Variants in EPHA6 observed in about 807,000 individuals in gnomAD.
The protein encoded by EPHA6 is ephrin type-A receptor 6.
A neutral mutation model predicts 112.0 loss-of-function variants in EPHA6; 50 were observed. The ratio of observed to expected loss-of-function variants is 0.45; its 90% CI spans 0.36 to 0.56. The LOEUF is 0.56. Among genes scored for constraint, EPHA6 ranks in the 20% least tolerant of loss-of-function variants. The pLI is 0.00. For synonymous variants in EPHA6, 529 were observed against 490.7 expected, an observed-to-expected ratio of 1.08 and a Z score of -1.03; for missense variants, 1,280 against 1,417.4, an observed-to-expected ratio of 0.90 and a Z score of 1.56.
intron 13 of EPHA6, among the ~76,000 whole-genome samples, chr3:97,621,688 GA>G (rs1166194995): frequency 6.6e-6 from 1 of 151,794 alleles, no homozygotes; most frequent in Non-Finnish European, 1.5e-5. Flanking sequence ...CAAGGAAGGA[GA>G]GAAAAACATG....
intron 10 of EPHA6, among the ~76,000 whole-genome samples, chr3:97,501,487 G>A (rs1424472719): frequency 6.6e-6 from 1 of 151,714 alleles, no homozygotes; most frequent in African/African-American, 2.4e-5. Flanking sequence ...AATTAAGTTA[G>A]AAATAAATAA....
intron 2 of EPHA6, among the ~76,000 whole-genome samples, chr3:96,895,017 G>A (rs2038187791): frequency 6.6e-6 from 1 of 152,270 alleles, no homozygotes; most frequent in Admixed American, 6.5e-5. Context: ...ATGAATAGAA[G>A]AAACAAACCA....
intron 2 of EPHA6, among the ~76,000 whole-genome samples, chr3:96,887,124 A>T (rs186657962): frequency 2.2e-3 from 342 of 152,072 alleles, no homozygotes; most frequent in Admixed American, 4.3e-3. Context: ...CTTGCTGCTG[A>T]ACTAGTGTGA....
chr3:97,286,619 T>C (rs1021694447), intron 5 of EPHA6, among the ~76,000 whole-genome samples: 4 of 152,088 alleles, frequency 2.6e-5, no homozygotes, highest in African/African-American at 9.7e-5. Context: ...ACCAATTCCA[T>C]AGTGTTTTGG....
At chr3:97,648,399 T>C (rs2094083454) in intron 14 of EPHA6, 4 of 1,532,008 alleles carry the variant, frequency 2.6e-6, no homozygotes, top group Admixed American at 2.1e-5. Context: ...GAGATAATTA[T>C]AAAAAATAAT....
intron 6 of EPHA6, chr3:97,439,609 C>G: frequency 9.9e-7 from 1 of 1,005,564 alleles, no homozygotes; most frequent in Admixed American, 6.0e-5. Flanking sequence ...GAATCCAAGG[C>G]AGAGTGGAAC....
At chr3:97,431,404 G>A (rs1004704131) in intron 6 of EPHA6, among the ~76,000 whole-genome samples, 9 of 152,202 alleles carry the variant, frequency 5.9e-5, no homozygotes, top group African/African-American at 2.2e-4. Context: ...GTTTGTCATG[G>A]TTGAATAGAA....
intron 5 of EPHA6, among the ~76,000 whole-genome samples, chr3:97,339,955 C>CA (rs892822883): frequency 4.0e-5 from 6 of 151,568 alleles, no homozygotes; most frequent in Admixed American, 6.6e-5. Context: ...ACCTTTCTGC[C>CA]AAAAAAAAGT....
chr3:97,331,479 C>G (rs2082795451), intron 5 of EPHA6, among the ~76,000 whole-genome samples: 1 of 151,842 alleles, frequency 6.6e-6, no homozygotes, highest in African/African-American at 2.4e-5. Flanking sequence ...TTGAAAAGAT[C>G]AACAAAATTG....
chr3:97,604,452 A>G (rs2093665248), intron 12 of EPHA6, among the ~76,000 whole-genome samples: 1 of 151,724 alleles, frequency 6.6e-6, no homozygotes, highest in Non-Finnish European at 1.5e-5. Context: ...AGATGAAAAA[A>G]TAATTTTCAT....
chr3:97,417,726 C>T (rs909095186), intron 6 of EPHA6, among the ~76,000 whole-genome samples: 3 of 152,066 alleles, frequency 2.0e-5, no homozygotes, highest in Non-Finnish European at 4.4e-5. Flanking sequence ...GGATCAGAGT[C>T]TTGGGCCACT....
intron 5 of EPHA6, among the ~76,000 whole-genome samples, chr3:97,376,088 C>G (rs2085333420): frequency 6.6e-6 from 1 of 152,044 alleles, no homozygotes. Context: ...ACTATGCAAT[C>G]TATGCATTTA....
At chr3:97,709,961 A>C (rs915671938) in intron 14 of EPHA6, among the ~76,000 whole-genome samples, 3 of 152,212 alleles carry the variant, frequency 2.0e-5, no homozygotes, top group Non-Finnish European at 4.4e-5. Context: ...TTGTTTATAA[A>C]TTACCCAGTC....
intron 3 of EPHA6, among the ~76,000 whole-genome samples, chr3:97,130,768 C>A (rs1026322869): frequency 4.6e-5 from 7 of 152,142 alleles, no homozygotes; most frequent in Non-Finnish European, 7.4e-5. Context: ...TCTAACAAGA[C>A]TATGCCTATT....
chr3:97,298,869 A>C (rs1027512732), intron 5 of EPHA6, among the ~76,000 whole-genome samples: 2 of 152,140 alleles, frequency 1.3e-5, no homozygotes, highest in Admixed American at 1.3e-4. Context: ...AAAGAAAATA[A>C]TCATTAATCT....
intron 13 of EPHA6, among the ~76,000 whole-genome samples, chr3:97,625,889 G>A (rs1019763211): frequency 6.6e-6 from 1 of 151,592 alleles, no homozygotes; most frequent in African/African-American, 2.4e-5. Flanking sequence ...AGTAGAAGCC[G>A]CCACATCTCC....
chr3:96,878,069 A>G (rs908427908), intron 2 of EPHA6, among the ~76,000 whole-genome samples: 5 of 152,012 alleles, frequency 3.3e-5, no homozygotes, highest in Admixed American at 6.6e-5. Context: ...CTTAAATGCA[A>G]TGCTTTCTGG....
chr3:97,447,781 C>T (rs757127743), intron 6 of EPHA6: 330 of 1,015,320 alleles, frequency 3.3e-4, no homozygotes, highest in Middle Eastern at 4.8e-4. Flanking sequence ...TGGCAATTCA[C>T]GCAAGAGACT....
chr3:97,624,518 T>A (rs1022038899), intron 13 of EPHA6, among the ~76,000 whole-genome samples: 7 of 151,618 alleles, frequency 4.6e-5, no homozygotes, highest in African/African-American at 1.5e-4. Context: ...TGTGGGGGTT[T>A]TTTGTAGTGT....
Sources: allele counts gnomAD v4.1 joint callset (sites outside exome capture counted in the v4.1 genomes callset), GRCh38; gene constraint gnomAD v4.1.1; transcripts MANE v1.5; gene names NCBI Gene and HGNC (gene_info 2026-07-23, HGNC 2026-07-21).